The following EXOSC1 variants were observed in gnomAD, a reference collection of about 807,000 sequenced individuals.
EXOSC1 encodes the protein exosome component 1.
EXOSC1 carries 27 observed loss-of-function variants against 31.4 expected under a neutral mutation model. The ratio of observed to expected loss-of-function variants is 0.86; its 90% confidence interval spans 0.63 to 1.18. The LOEUF is 1.18. Among genes scored for constraint, EXOSC1 ranks in the 50% most tolerant of loss-of-function variants. EXOSC1 has a pLI of 0.00. For synonymous variants in EXOSC1, 84 were observed against 89.5 expected (o/e 0.94, Z 0.35); for missense variants, 228 against 250.3 (o/e 0.91, Z 0.60).
rs1845520937 is a variant in EXOSC1 at position 97,435,948 on chromosome 10, C to T, written c.*497G>A. ...GATTTACAAACATGAGCCACCATGC[C>T]TGCCTCACATGCTATCTGTATCACC... On this transcript the variant is annotated 3_prime_UTR_variant, in exon 8 of 8. Coordinates refer to ENST00000370902, the MANE Select transcript of EXOSC1 (RefSeq NM_016046.5). Among the ~76,000 whole-genome samples, 1 of 152,198 alleles carries T rather than the reference C, an allele frequency of 6.6e-6. No individual in the cohort carries two copies. Among genetic ancestry groups the T allele is most frequent in the Non-Finnish European group, 1.5e-5 (1 of 68,036 alleles).
chr10:97,437,624 A>G lies in EXOSC1; in HGVS notation c.396+76T>C, dbSNP rs1845582418. On this transcript the variant is annotated intron_variant, in intron 6 of 7. Transcript: ENST00000370902. ...TGGCCTCCGAAAGTGCTGGGATTAC[A>G]GGCATGAGCCACCACACCCGGCCTC... 9 of 1,402,894 alleles carry G rather than the reference A, an allele frequency of 6.4e-6. No homozygotes were observed. The East Asian group carries it at 1.4e-4, about 21-fold the overall frequency. The allele number at this position is 1,402,894 out of a possible 1,614,324, so 86.9% of individuals were successfully genotyped here.
chr10:97,443,419 G>C, intron 2 of EXOSC1, 108 bp from the exon 3 acceptor site: 1 of 941,476 alleles, frequency 1.1e-6, no homozygotes, highest in Non-Finnish European at 1.6e-6. Context: ...GTGAGAGTTG[G>C]AGTATGGATT....
chr10:97,438,555 T>C, intron 5 of EXOSC1, 115 bp downstream of exon 5: 1 of 943,968 alleles, frequency 1.1e-6, no homozygotes, highest in Admixed American at 2.2e-5. Flanking sequence ...TCCTCCCGCC[T>C]CAGCCTCCCA....
chr10:97,445,916 G>A (rs764949317), intron 1 of EXOSC1, 39 bp downstream of exon 1: 2 of 1,613,638 alleles, frequency 1.2e-6, no homozygotes, highest in African/African-American at 2.7e-5. Context: ...TCTTGCTTCA[G>A]CCCCTATCCA....
At chr10:97,443,332 A>C (rs375551957) in intron 2 of EXOSC1, 21 bp from the exon 3 acceptor site, 20 of 1,609,332 alleles carry the variant, frequency 1.2e-5, no homozygotes, top group South Asian at 1.1e-4. Flanking sequence ...AACAACAAAA[A>C]ACTGAAATGT....
chr10:97,443,094 G>C (rs1398942661), intron 3 of EXOSC1, 143 bp downstream of exon 3: 6 of 703,738 alleles, frequency 8.5e-6, no homozygotes, highest in Non-Finnish European at 1.5e-5. Context: ...TAAAGTGCTA[G>C]AATTACCAGT....
rs1845537342 is a variant in EXOSC1 at position 97,436,424 on chromosome 10, C to T, written c.*21G>A. The T allele has an allele frequency of 6.4e-7, 1 of 1,561,960 alleles. No homozygotes were observed. Among genetic ancestry groups the T allele is most frequent in the Non-Finnish European group, 8.8e-7 (1 of 1,133,434 alleles). ...TACTCAGGAACAGCTTACCCCCTTCCATAGGGTAAAAAGTGGCTTCTTAGG... is the reference window on the plus strand; with the variant it reads ...TACTCAGGAACAGCTTACCCCCTTCTATAGGGTAAAAAGTGGCTTCTTAGG... On this transcript the variant is annotated 3_prime_UTR_variant, in exon 8 of 8. Transcript: ENST00000370902.
intron 5 of EXOSC1, among the ~76,000 whole-genome samples, chr10:97,438,233 T>C (rs1845607984): frequency 6.6e-6 from 1 of 151,958 alleles, no homozygotes; most frequent in South Asian, 2.1e-4. Context: ...TCTTTTTTTT[T>C]AAGAGGTGGG....
Position 97,445,747 on chromosome 10 carries a change from G to A in EXOSC1, c.132C>T (p.Ser44=), listed in dbSNP as rs141584354. 12 of 1,613,406 alleles carry A rather than the reference G, an allele frequency of 7.4e-6. No individual in the cohort carries two copies. In the African/African-American group the frequency reaches 1.5e-4, roughly 20 times the overall value. ...CTTCCTTTACCGCGCCATTCTCGCT[G>A]CTCTTCATCAGACAGCCGGCAAGCG... The part of the protein sequence containing the change: ...FSSLAGCLMK[S]SENGALPVVS... The change falls in exon 2 of 8, where the codon AGC becomes AGT. Residue 44 remains serine (S), a synonymous_variant. Coordinates refer to ENST00000370902, the MANE Select transcript of EXOSC1 (RefSeq NM_016046.5).
chr10:97,437,314 G>C lies in EXOSC1; in HGVS notation c.397-39C>G, dbSNP rs775749388. 7.2e-6 allele frequency: 11 copies of C among 1,525,348 alleles called. No individual in the cohort carries two copies. In the East Asian group the frequency reaches 2.3e-4, roughly 31 times the overall value. The allele number at this position is 1,525,348 out of a possible 1,614,324, so 94.5% of individuals were successfully genotyped here. A position where few individuals can be genotyped will look rare whatever the true frequency, so the allele number is the denominator to read the frequency against. Reference sequence around the variant, plus strand: ...ACCGGTGAAGGAAAATGAGGAGTTAGAAGTCTTCCCCCACCTTAGCCACCT... The same window carrying C: ...ACCGGTGAAGGAAAATGAGGAGTTACAAGTCTTCCCCCACCTTAGCCACCT... On this transcript the variant is annotated intron_variant, in intron 6 of 7. Transcript: ENST00000370902.
chr10:97,442,536 A>G (rs1047049061), intron 3 of EXOSC1, among the ~76,000 whole-genome samples: 5 of 152,180 alleles, frequency 3.3e-5, no homozygotes, highest in African/African-American at 1.2e-4. Flanking sequence ...TTTTTTCTTG[A>G]GAGACAGAGT....
chr10:97,444,767 A>G (rs554436204), intron 2 of EXOSC1: 12 of 152,360 alleles, frequency 7.9e-5, no homozygotes, highest in Non-Finnish European at 1.6e-4. Flanking sequence ...AAGCAGAATC[A>G]AAGTCAAGTT....
chr10:97,444,588 A>G (rs907604168), intron 2 of EXOSC1: 3 of 152,256 alleles, frequency 2.0e-5, no homozygotes, highest in Non-Finnish European at 4.4e-5. Flanking sequence ...TTTGTTTACA[A>G]TTTGTGTCTG....
At position 97,443,284 on chromosome 10, in the gene EXOSC1, T is replaced by C. The variant is rs754061288; in HGVS notation, c.175A>G (p.Thr59Ala). ...ACATCTGGCAGTAACTGGGACTCTG[T>C]TTCTCTCACTACAGACACCACTGGA... ...ALPVVSVVRE[T>A]ESQLLPDVGA... Residue 59 changes from threonine (T) to alanine (A), a missense_variant, in exon 3 of 8, where the codon ACA becomes GCA. By Grantham distance (58) the Thr-to-Ala change is moderately conservative. Transcript: ENST00000370902. 3.1e-6 allele frequency: 5 copies of C among 1,614,182 alleles called. No individual in the cohort carries two copies. The highest frequency in any genetic ancestry group is 4.2e-6 in the Non-Finnish European group (5 of 1,180,006).
intron 6 of EXOSC1, 140 bp from the exon 7 acceptor site, chr10:97,437,415 A>G (rs1000675822): frequency 1.6e-5 from 11 of 672,770 alleles, no homozygotes; most frequent in African/African-American, 1.5e-4. Flanking sequence ...CGGTGGCGTG[A>G]TATCAGTTCA....
intron 7 of EXOSC1, 151 bp downstream of exon 7, chr10:97,437,040 A>G: frequency 1.3e-6 from 1 of 765,332 alleles, no homozygotes; most frequent in East Asian, 2.5e-5. Flanking sequence ...ACCAGCACCA[A>G]GCAAAAAAGA....
Position 97,436,489 on chromosome 10 carries a change from A to G in EXOSC1, c.544T>C (p.Phe182Leu). The G allele has an allele frequency of 6.2e-7, 1 of 1,613,538 alleles. No individual in the cohort carries two copies. Among genetic ancestry groups the G allele is most frequent in the Non-Finnish European group, 8.5e-7 (1 of 1,179,788 alleles). The change falls in exon 8 of 8, where the codon TTC (phenylalanine) becomes CTC (leucine). Residue 182 changes from phenylalanine to leucine, a missense_variant. Physicochemically the swap from Phe to Leu is conservative, Grantham distance 22. Transcript: ENST00000370902. ...GGTTGTACTCGGGCTACTTTCCGGA[A>G]TTCTTTAGTGTGGGTCTTAGGGCAC... ...MQCPKTHTKE[F>L]RKVARVQPEF...
chr10:97,443,401 G>T, intron 2 of EXOSC1, 90 bp from the exon 3 acceptor site: 2 of 1,123,780 alleles, frequency 1.8e-6, no homozygotes, highest in Non-Finnish European at 2.6e-6. Context: ...GAATGTCTTG[G>T]TATAAAGGTG....
chr10:97,437,768 G>A lies in EXOSC1; in HGVS notation c.346-18C>T, dbSNP rs1845589562. ...ATTTCAACCTGTAAAGAAAGAACAG[G>A]AATGTTAAGTGAAAGCTCTAGACTG... On this transcript the variant is annotated intron_variant, in intron 5 of 7. Transcript: ENST00000370902. 1.9e-6 allele frequency: 3 copies of A among 1,610,782 alleles called. No homozygotes were observed. Among genetic ancestry groups the A allele is most frequent in the Non-Finnish European group, 2.5e-6 (3 of 1,177,300 alleles).
Sources: allele counts gnomAD v4.1 joint callset (sites outside exome capture counted in the v4.1 genomes callset), GRCh38; gene constraint gnomAD v4.1.1; transcripts MANE v1.5; gene names NCBI Gene and HGNC (gene_info 2026-07-23, HGNC 2026-07-21).